The following PLCB1 variants were observed in gnomAD, a reference collection of about 807,000 sequenced individuals.
PLCB1 encodes 1-phosphatidylinositol 4,5-bisphosphate phosphodiesterase beta-1.
Under a neutral mutation model 161.8 loss-of-function variants are expected in PLCB1, and 46 were observed. That is an observed-to-expected ratio of 0.28 (90% CI 0.22 to 0.36). PLCB1 has a LOEUF of 0.36. Among genes scored for constraint, PLCB1 ranks in the 10% least tolerant of loss-of-function variants. The pLI is 1.00. For missense variants in PLCB1, 1,016 were observed against 1,472.5 expected, an observed-to-expected ratio of 0.69 and a Z score of 5.07; for synonymous variants, 517 against 503.7, an observed-to-expected ratio of 1.03 and a Z score of -0.35.
intron 2 of PLCB1, among the ~76,000 whole-genome samples, chr20:8,242,158 C>CTGT (rs113863015): frequency 1.3e-5 from 2 of 151,876 alleles, no homozygotes; most frequent in Non-Finnish European, 2.9e-5. Flanking sequence ...CTACATGTTT[C>CTGT]TGTTGTTGTT....
intron 3 of PLCB1, among the ~76,000 whole-genome samples, chr20:8,429,652 G>A (rs974392033): frequency 6.6e-6 from 1 of 151,896 alleles, no homozygotes; most frequent in Non-Finnish European, 1.5e-5. Context: ...TTTTTACTGA[G>A]GAGCATGATC....
At chr20:8,360,554 A>G (rs565108400) in intron 2 of PLCB1, among the ~76,000 whole-genome samples, 6 of 152,350 alleles carry the variant, frequency 3.9e-5, no homozygotes, top group Admixed American at 3.9e-4. Context: ...GGTAAAATTT[A>G]CGCACTTAGG....
At position 8,770,244 on chromosome 20, in the gene PLCB1, G is replaced by A. The variant is rs537276616; in HGVS notation, c.2931-4295G>A. 3.3e-5 allele frequency among the ~76,000 whole-genome samples: 5 copies of A among 152,136 alleles called. No homozygotes were observed. The South Asian group carries it at 6.2e-4, about 19-fold the overall frequency. On this transcript the variant is annotated intron_variant, in intron 26 of 31. Transcript: ENST00000338037. ...TGGGATTACAGGCGTGAGCCACCAC[G>A]CCCAGCCAAAATCATCATTTCTTAA... is the stretch of plus-strand genomic sequence containing the variant.
At chr20:8,784,540 G>A (rs990824501) in intron 27 of PLCB1, among the ~76,000 whole-genome samples, 3 of 145,884 alleles carry the variant, frequency 2.1e-5, no homozygotes, top group Admixed American at 1.4e-4. Flanking sequence ...TGCAGCCTGG[G>A]CAATAGAGCG....
At chr20:8,716,949 A>G (rs981319971) in intron 13 of PLCB1, among the ~76,000 whole-genome samples, 1 of 152,232 alleles carries the variant, frequency 6.6e-6, no homozygotes, top group African/African-American at 2.4e-5. Flanking sequence ...CAAGCCAAGA[A>G]TAGAGGACTA....
At chr20:8,840,183 C>G (rs1391461584) in intron 31 of PLCB1, among the ~76,000 whole-genome samples, 1 of 152,122 alleles carries the variant, frequency 6.6e-6, no homozygotes, top group Middle Eastern at 3.2e-3. Context: ...CCCCTAAGTA[C>G]TGCTTCACAG....
intron 23 of PLCB1, among the ~76,000 whole-genome samples, chr20:8,754,288 C>A (rs1981627817): frequency 6.6e-6 from 1 of 151,750 alleles, no homozygotes; most frequent in South Asian, 2.1e-4. Context: ...GGGCATACAG[C>A]TACATGGAGT....
At chr20:8,675,185 T>C (rs1990045347) in intron 9 of PLCB1, among the ~76,000 whole-genome samples, 1 of 152,092 alleles carries the variant, frequency 6.6e-6, no homozygotes, top group South Asian at 2.1e-4. Flanking sequence ...CTTGACTCAA[T>C]GTTCACTCCT....
intron 3 of PLCB1, among the ~76,000 whole-genome samples, chr20:8,578,760 T>C (rs974859065): frequency 6.6e-6 from 1 of 152,164 alleles, no homozygotes; most frequent in Non-Finnish European, 1.5e-5. Context: ...TCCTGAGAAA[T>C]AAATTACAGC....
At chr20:8,152,782 A>G (rs1006755849) in intron 2 of PLCB1, among the ~76,000 whole-genome samples, 3 of 152,114 alleles carry the variant, frequency 2.0e-5, no homozygotes, top group Non-Finnish European at 2.9e-5. Context: ...TCTTTGGTCC[A>G]CGAAGCTTAT....
At chr20:8,719,353 G>A (rs1032544765) in intron 14 of PLCB1, among the ~76,000 whole-genome samples, 14 of 152,126 alleles carry the variant, frequency 9.2e-5, no homozygotes, top group Non-Finnish European at 2.9e-5. Flanking sequence ...CAAGAGACAC[G>A]TACAAGAATT....
rs112268189 is a variant in PLCB1 at position 8,768,029 on chromosome 20, G to C, written c.2930+2671G>C. On this transcript the variant is annotated intron_variant, in intron 26 of 31. Coordinates refer to ENST00000338037, the MANE Select transcript of PLCB1 (RefSeq NM_015192.4). Reference sequence around the variant, plus strand: ...TACTAAAAATATGAAAATTAGCCAGGCATGGTGGCACACACCTGTAATCCC... The same window carrying C: ...TACTAAAAATATGAAAATTAGCCAGCCATGGTGGCACACACCTGTAATCCC... Among the ~76,000 whole-genome samples, 438 of 152,004 alleles carry C rather than the reference G, an allele frequency of 2.9e-3. 2 individuals carry two copies. The highest frequency in any genetic ancestry group is 0.01 in the African/African-American group (416 of 41,440).
intron 3 of PLCB1, among the ~76,000 whole-genome samples, chr20:8,557,298 A>G (rs1343872452): frequency 1.3e-5 from 2 of 152,072 alleles, no homozygotes; most frequent in Non-Finnish European, 2.9e-5. Context: ...AACAACCCAA[A>G]TATCCATCAG....
chr20:8,531,473 G>A (rs1220504134), intron 3 of PLCB1, among the ~76,000 whole-genome samples: 1 of 152,008 alleles, frequency 6.6e-6, no homozygotes, highest in Non-Finnish European at 1.5e-5. Flanking sequence ...ATATCTTAGT[G>A]TGTGTGTATT....
intron 2 of PLCB1, among the ~76,000 whole-genome samples, chr20:8,269,417 G>A (rs1982162495): frequency 6.6e-6 from 1 of 152,054 alleles, no homozygotes; most frequent in African/African-American, 2.4e-5. Flanking sequence ...AATTACTATT[G>A]CAAGGGATTT....
At chr20:8,422,783 C>T (rs1034743931) in intron 3 of PLCB1, among the ~76,000 whole-genome samples, 3 of 152,090 alleles carry the variant, frequency 2.0e-5, no homozygotes, top group African/African-American at 4.8e-5. Context: ...GTCAGCGTTA[C>T]CAGCAATCCA....
chr20:8,687,328 A>C (rs933408827), intron 10 of PLCB1, among the ~76,000 whole-genome samples: 8 of 152,146 alleles, frequency 5.3e-5, no homozygotes, highest in Admixed American at 3.9e-4. Flanking sequence ...CCTGTCCCCA[A>C]TTTAAATTAT....
rs1225775496 is a variant in PLCB1 at position 8,658,684 on chromosome 20, AC to A, written c.843del (p.Asn281LysfsTer19). On this transcript the variant is annotated frameshift_variant, in exon 9 of 32. Transcript: ENST00000338037. LOFTEE classifies it high-confidence loss of function. ...VQVLIEKYEPNNSLARKGQIS... is the reference protein window; with the variant it reads ...VQVLIEKYEPXNSLARKGQIS... Reference sequence around the variant, plus strand: ...GTATTGATTGAGAAGTATGAACCCAACAACAGCCTCGCCAGAAAAGGTCAGT... The same window carrying A: ...GTATTGATTGAGAAGTATGAACCCAAAACAGCCTCGCCAGAAAAGGTCAGT... The A allele has an allele frequency of 6.2e-7, 1 of 1,605,762 alleles. No homozygotes were observed. Among genetic ancestry groups the A allele is most frequent in the African/African-American group, 1.3e-5 (1 of 74,234 alleles).
At chr20:8,731,076 G>A (rs921010260) in intron 18 of PLCB1, among the ~76,000 whole-genome samples, 19 of 151,714 alleles carry the variant, frequency 1.3e-4, no homozygotes, top group African/African-American at 4.4e-4. Flanking sequence ...TTCCGAGTGG[G>A]CATCTTTCTT....
Sources: allele counts gnomAD v4.1 joint callset (sites outside exome capture counted in the v4.1 genomes callset), GRCh38; gene constraint gnomAD v4.1.1; transcripts MANE v1.5; gene names NCBI Gene and HGNC (gene_info 2026-07-23, HGNC 2026-07-21).